PIK3C3: variants seen among roughly 807,000 people sequenced by gnomAD.
PIK3C3 encodes the protein PI3-kinase type 3.
Under a neutral mutation model 126.1 loss-of-function variants are expected in PIK3C3, and 95 were observed. The observed-to-expected ratio is 0.75, with a 90% CI of 0.64 to 0.89. The LOEUF (loss-of-function observed/expected upper bound fraction) is 0.89. PIK3C3 is among the 40% of genes least tolerant of loss of function. The pLI is 0.00. For missense variants in PIK3C3, 829 were observed against 1,063.2 expected (o/e 0.78, Z 3.06); for synonymous variants, 374 against 360.0 (o/e 1.04, Z -0.44).
intron 4 of PIK3C3, among the ~76,000 whole-genome samples, chr18:41,978,561 A>G (rs1981045113): frequency 6.6e-6 from 1 of 152,208 alleles, no homozygotes; most frequent in Admixed American, 6.5e-5. Flanking sequence ...TAAAATTTGA[A>G]AGGAAAAATC....
Position 42,082,277 on chromosome 18 carries a change from T to C in PIK3C3, c.*1140T>C, listed in dbSNP as rs1986277020. Reference sequence around the variant, plus strand: ...GTGACAGAGAAGATGAAGGTAAAATTGTGGCACAGTTTCAGAGAATGCCGT... The same window carrying C: ...GTGACAGAGAAGATGAAGGTAAAATCGTGGCACAGTTTCAGAGAATGCCGT... On this transcript the variant is annotated 3_prime_UTR_variant, in exon 25 of 25. Transcript: ENST00000262039. The C allele has an allele frequency of 6.6e-6, 1 of 152,182 alleles. No homozygotes were observed. The highest frequency in any genetic ancestry group is 2.4e-5 in the African/African-American group (1 of 41,450). The allele number at this position is 152,182 out of a possible 1,614,324, so 9.4% of individuals were successfully genotyped here. A position where few individuals can be genotyped will look rare whatever the true frequency, so the allele number is the denominator to read the frequency against.
intron 5 of PIK3C3, among the ~76,000 whole-genome samples, chr18:41,988,375 T>C (rs1981602047): frequency 6.6e-6 from 1 of 152,170 alleles, no homozygotes; most frequent in Non-Finnish European, 1.5e-5. Flanking sequence ...TTCTTGACCT[T>C]GTATGTGAGC....
intron 18 of PIK3C3, 61 bp downstream of exon 18, chr18:42,038,911 T>A (rs111603767): frequency 1.8e-6 from 2 of 1,124,832 alleles, no homozygotes; most frequent in Admixed American, 2.3e-5. Context: ...CTTTTTCAAA[T>A]TGAAAATTTT....
rs1004659201 is a variant in PIK3C3, at chr18:42,002,057, A to C, written c.985-2299A>C. ...ATGCAGACTCCAGTTATAGAGATAAAAATGCCCACAAAAACATTTGGCAGT... is the reference window on the plus strand; with the variant it reads ...ATGCAGACTCCAGTTATAGAGATAACAATGCCCACAAAAACATTTGGCAGT... On this transcript the variant is annotated intron_variant, in intron 9 of 24. Coordinates refer to ENST00000262039, the MANE Select transcript of PIK3C3 (RefSeq NM_002647.4). Among the ~76,000 whole-genome samples, 4 of 152,298 alleles carry C rather than the reference A, an allele frequency of 2.6e-5. 1 individual carries two copies. In the South Asian group the frequency reaches 8.3e-4, roughly 32 times the overall value.
At position 42,029,307 on chromosome 18, in the gene PIK3C3, T is replaced by C. The variant is rs768128656; in HGVS notation, c.1591-18T>C. On this transcript the variant is annotated intron_variant, in intron 14 of 24. Coordinates refer to ENST00000262039, the MANE Select transcript of PIK3C3 (RefSeq NM_002647.4). The stretch of plus-strand genomic sequence containing the variant: ...TACGCAACATAGAACTAATTTTTTC[T>C]CACTTTGAACCCTTCAGGGTGATAA... 42 of 1,540,628 alleles carry C rather than the reference T, an allele frequency of 2.7e-5. No homozygotes were observed. The highest frequency in any genetic ancestry group is 9.0e-5 in the East Asian group (4 of 44,370).
chr18:42,015,659 A>G, intron 12 of PIK3C3, 93 bp downstream of exon 12: 1 of 812,104 alleles, frequency 1.2e-6, no homozygotes, highest in South Asian at 1.5e-5. Context: ...TGATTAAATA[A>G]CTAAATATTA....
rs1555671402 is a variant in PIK3C3, at chr18:41,966,177, C to CCT, written c.401+3545_401+3546insCT. ...TATCTCTTTGCTAAGTATATTGTTC[C>CCT]TTTTTTTTTTTTTTTTTTTTTTTGA... On this transcript the variant is annotated intron_variant, in intron 3 of 24. Coordinates refer to ENST00000262039, the MANE Select transcript of PIK3C3 (RefSeq NM_002647.4). Among the ~76,000 whole-genome samples the CCT allele has an allele frequency of 2.6e-3, 290 of 112,588 alleles. 7 individuals carry two copies. The highest frequency in any genetic ancestry group is 0.01 in the African/African-American group (272 of 27,152). 73.9% of individuals were successfully genotyped at this position (112,588 alleles called of 152,430 possible).
intron 24 of PIK3C3, among the ~76,000 whole-genome samples, chr18:42,075,656 G>A (rs1415128324): frequency 6.6e-6 from 1 of 150,612 alleles, no homozygotes; most frequent in Non-Finnish European, 1.5e-5. Context: ...TTGAGTCCCA[G>A]ATCTAGTCCT....
At chr18:42,059,400 C>A (rs1985216500) in intron 22 of PIK3C3, among the ~76,000 whole-genome samples, 5 of 152,114 alleles carry the variant, frequency 3.3e-5, no homozygotes. Context: ...CATTTAATAT[C>A]TGCGATTTTT....
chr18:42,033,416 A>G (rs1239970496), intron 15 of PIK3C3, among the ~76,000 whole-genome samples: 2 of 152,216 alleles, frequency 1.3e-5, no homozygotes, highest in Non-Finnish European at 2.9e-5. Context: ...GGGGCAGCAT[A>G]GTGAAATTTT....
At chr18:42,070,861 G>C (rs1985745480) in intron 24 of PIK3C3, among the ~76,000 whole-genome samples, 1 of 152,160 alleles carries the variant, frequency 6.6e-6, no homozygotes, top group African/African-American at 2.4e-5. Context: ...AATAAAATAT[G>C]AATGGCAAAA....
chr18:41,988,044 G>A, intron 5 of PIK3C3, 146 bp downstream of exon 5: 1 of 538,578 alleles, frequency 1.9e-6, no homozygotes, highest in Admixed American at 3.6e-5. Flanking sequence ...GCTAATAACT[G>A]GAAAATTGGA....
chr18:42,041,043 A>G (rs781333121), intron 19 of PIK3C3, among the ~76,000 whole-genome samples: 15 of 152,098 alleles, frequency 9.9e-5, no homozygotes, highest in Non-Finnish European at 1.5e-4. Context: ...TCAGCCGGGC[A>G]TGGTGGCATG....
chr18:42,050,928 T>C (rs1244691338), intron 21 of PIK3C3: 4 of 152,216 alleles, frequency 2.6e-5, no homozygotes, highest in Admixed American at 1.3e-4. Context: ...TCTAATGGCA[T>C]CTCTTTAGAG....
chr18:42,067,459 G>A lies in PIK3C3; in HGVS notation c.2595G>A (p.Glu865=). The change falls in exon 24 of 25, where the codon GAG becomes GAA. Residue 865 remains glutamate, a synonymous_variant. Transcript: ENST00000262039. Reference sequence around the variant, plus strand: ...ATTACATGCAGAGTCTGATTGATGAGAGTGTCCATGCTCTTTTTGCTGCAG... The same window carrying A: ...ATTACATGCAGAGTCTGATTGATGAAAGTGTCCATGCTCTTTTTGCTGCAG... ...AVHYMQSLID[E]SVHALFAAVV... The A allele has an allele frequency of 6.2e-7, 1 of 1,614,150 alleles. No homozygotes were observed. The highest frequency in any genetic ancestry group is 1.3e-5 in the African/African-American group (1 of 75,052).
intron 9 of PIK3C3, among the ~76,000 whole-genome samples, chr18:41,999,056 C>CT (rs1484677298): frequency 6.6e-6 from 1 of 151,944 alleles, no homozygotes; most frequent in African/African-American, 2.4e-5. Context: ...TAAATTTTGT[C>CT]TTTCTACCCC....
intron 16 of PIK3C3, among the ~76,000 whole-genome samples, chr18:42,036,563 A>G (rs2144460165): frequency 6.6e-6 from 1 of 152,152 alleles, no homozygotes; most frequent in East Asian, 1.9e-4. Context: ...TATGTCCAGA[A>G]TATCCATCTT....
At chr18:41,957,196 A>C (rs762363980) in intron 1 of PIK3C3, among the ~76,000 whole-genome samples, 1 of 152,170 alleles carries the variant, frequency 6.6e-6, no homozygotes, top group African/African-American at 2.4e-5. Flanking sequence ...AGAATAGATG[A>C]ATATGTGGTC....
intron 16 of PIK3C3, 58 bp from the exon 17 acceptor site, chr18:42,037,634 G>A: frequency 6.7e-7 from 1 of 1,485,262 alleles, no homozygotes; most frequent in Non-Finnish European, 9.3e-7. Flanking sequence ...TGTATGTATA[G>A]TACAATTTTA....
Sources: allele counts gnomAD v4.1 joint callset (sites outside exome capture counted in the v4.1 genomes callset), GRCh38; gene constraint gnomAD v4.1.1; transcripts MANE v1.5; gene names NCBI Gene and HGNC (gene_info 2026-07-23, HGNC 2026-07-21).